BLTP3B: variants seen among roughly 807,000 people sequenced by gnomAD.
BLTP3B encodes the protein bridge-like lipid transfer protein family member 3B, also known as UHRF1 (ICBP90) binding protein 1-like.
the BLTP3B span, among the ~76,000 whole-genome samples, chr12:100,074,542 T>C: frequency 5.4e-5 from 8 of 148,950 alleles, no homozygotes; most frequent in African/African-American, 2.0e-4. Context: ...GAGGTTGTAG[T>C]GAGCTAACAC....
the BLTP3B span, among the ~76,000 whole-genome samples, chr12:100,043,876 G>C: frequency 2.0e-5 from 3 of 152,130 alleles, no homozygotes; most frequent in Non-Finnish European, 4.4e-5. Flanking sequence ...TATCTTGTTG[G>C]GGAGATTCCT....
chr12:100,132,416 G>C, the BLTP3B span, among the ~76,000 whole-genome samples: 3 of 152,086 alleles, frequency 2.0e-5, no homozygotes, highest in Non-Finnish European at 2.9e-5. Context: ...TAAATGGCTT[G>C]GTATTGTTCT....
chr12:100,124,231 T>A, the BLTP3B span, among the ~76,000 whole-genome samples: 1 of 151,164 alleles, frequency 6.6e-6, no homozygotes, highest in Non-Finnish European at 1.5e-5. Flanking sequence ...GTGTGCACTA[T>A]GATAACACCA....
the BLTP3B span, among the ~76,000 whole-genome samples, chr12:100,044,110 AAGAC>A: frequency 6.6e-6 from 1 of 152,002 alleles, no homozygotes; most frequent in Non-Finnish European, 1.5e-5. Context: ...TTTTTTTAAT[AAGAC>A]AGACCTGAAT....
chr12:100,130,978 G>A, the BLTP3B span, among the ~76,000 whole-genome samples: 6,611 of 30,534 alleles, frequency 0.22, 367 homozygotes, highest in African/African-American at 0.4. Context: ...AGAGAGAGAG[G>A]GAGGGAGAGA....
At chr12:100,100,146 T>C in the BLTP3B span, among the ~76,000 whole-genome samples, 2 of 150,654 alleles carry the variant, frequency 1.3e-5, no homozygotes, top group Non-Finnish European at 3.0e-5. Flanking sequence ...CTATTAAAAA[T>C]ACAAAAAAGT....
the BLTP3B span, among the ~76,000 whole-genome samples, chr12:100,132,851 G>C: frequency 6.6e-6 from 1 of 152,132 alleles, no homozygotes; most frequent in Admixed American, 6.6e-5. Flanking sequence ...CGGAGGCTGA[G>C]GCATAAGAAT....
At chr12:100,042,729 A>G in the BLTP3B span, among the ~76,000 whole-genome samples, 4 of 152,318 alleles carry the variant, frequency 2.6e-5, no homozygotes, top group African/African-American at 7.2e-5. Flanking sequence ...AGCAGCCATC[A>G]ACCTTGAGGC....
At chr12:100,052,050 A>T in the BLTP3B span, among the ~76,000 whole-genome samples, 2 of 151,592 alleles carry the variant, frequency 1.3e-5, no homozygotes, top group African/African-American at 2.4e-5. Flanking sequence ...TCTAAAAAAA[A>T]AAAAAGATTC....
At chr12:100,047,684 T>TA in the BLTP3B span, 5,752 of 1,373,226 alleles carry the variant, frequency 4.2e-3, 193 homozygotes, top group African/African-American at 0.072. Flanking sequence ...CATTCGGTCA[T>TA]ATTTTTAATG....
chr12:100,057,983 C>A, the BLTP3B span: 2 of 1,523,890 alleles, frequency 1.3e-6, no homozygotes, highest in East Asian at 2.3e-5. Flanking sequence ...CACACACGCT[C>A]CACAAAATAA....
chr12:100,038,648 TA>T, the BLTP3B span, among the ~76,000 whole-genome samples: 1 of 152,160 alleles, frequency 6.6e-6, no homozygotes, highest in Admixed American at 6.5e-5. Context: ...CATTTTCATC[TA>T]GATGGCCAAT....
chr12:100,089,735 T>C, the BLTP3B span, among the ~76,000 whole-genome samples: 273 of 152,310 alleles, frequency 1.8e-3, 2 homozygotes, highest in African/African-American at 6.3e-3. Context: ...ATATTATATA[T>C]ATTAAAAACA....
the BLTP3B span, chr12:100,048,016 A>C: frequency 6.2e-7 from 1 of 1,606,206 alleles, no homozygotes. Context: ...ATCTTCCAAA[A>C]AATGTTGAAT....
chr12:100,081,783 A>G, the BLTP3B span, among the ~76,000 whole-genome samples: 1 of 152,190 alleles, frequency 6.6e-6, no homozygotes, highest in Non-Finnish European at 1.5e-5. Flanking sequence ...TCTGCGGTGT[A>G]TATGTACCAC....
the BLTP3B span, among the ~76,000 whole-genome samples, chr12:100,052,224 G>A: frequency 5.9e-3 from 899 of 152,078 alleles, 6 homozygotes; most frequent in Non-Finnish European, 8.5e-3. Flanking sequence ...TGTATTTTTA[G>A]TAAAGACGGG....
At chr12:100,059,301 C>T in the BLTP3B span, 707 of 1,613,956 alleles carry the variant, frequency 4.4e-4, 2 homozygotes, top group Middle Eastern at 3.1e-3. Context: ...ATGAGCATGT[C>T]TCTGGAAAAT....
At chr12:100,140,781 A>T in the BLTP3B span, among the ~76,000 whole-genome samples, 2 of 144,838 alleles carry the variant, frequency 1.4e-5, no homozygotes, top group Admixed American at 6.9e-5. Context: ...AGCCCTAAAG[A>T]CTCAATTTTC....
the BLTP3B span, among the ~76,000 whole-genome samples, chr12:100,065,662 T>C: frequency 1.3e-5 from 2 of 152,180 alleles, no homozygotes; most frequent in Admixed American, 1.3e-4. Flanking sequence ...GTCAGACCAG[T>C]GATCTGATCT....
Sources: allele counts gnomAD v4.1 joint callset (sites outside exome capture counted in the v4.1 genomes callset), GRCh38; gene constraint gnomAD v4.1.1; transcripts MANE v1.5; gene names NCBI Gene and HGNC (gene_info 2026-07-23, HGNC 2026-07-21).